AKR1C2: variants seen among roughly 807,000 people sequenced by gnomAD.
AKR1C2 encodes the protein aldo-keto reductase family 1 member C2.
AKR1C2 carries 27 observed loss-of-function variants against 39.8 expected under a neutral mutation model. That is an observed-to-expected ratio of 0.68 (90% confidence interval 0.50 to 0.93). The LOEUF is 0.93. Ranked by LOEUF, AKR1C2 falls within the 40% of genes least tolerant of loss-of-function variation. The probability of loss-of-function intolerance (pLI) is 0.00; values close to 1 mark genes in which losing one functional copy is unlikely to be tolerated. For missense variants in AKR1C2, 263 were observed against 365.1 expected, an observed-to-expected ratio of 0.72 and a Z score of 2.28; for synonymous variants, 114 against 137.9, an observed-to-expected ratio of 0.83 and a Z score of 1.22.
intron 2 of AKR1C2, among the ~76,000 whole-genome samples, chr10:5,000,905 G>T (rs1281461076): frequency 6.6e-6 from 1 of 152,314 alleles, no homozygotes; most frequent in African/African-American, 2.4e-5. Context: ...AAAGGTAAAA[G>T]TTGTTATCAA....
At chr10:5,010,852 C>G (rs1375741588) in intron 1 of AKR1C2, among the ~76,000 whole-genome samples, 1 of 152,046 alleles carries the variant, frequency 6.6e-6, no homozygotes, top group Non-Finnish European at 1.5e-5. Flanking sequence ...GGAAATAAAT[C>G]AAAGTCTTAA....
upstream of AKR1C2, chr10:5,005,990 A>T (rs1476426205): frequency 1.3e-5 from 2 of 152,234 alleles, no homozygotes; most frequent in Non-Finnish European, 2.9e-5. Context: ...TTCAATAGCA[A>T]ATTTGAGCAG....
intron 8 of AKR1C2, among the ~76,000 whole-genome samples, chr10:4,990,634 A>C (rs1409536562): frequency 3.9e-5 from 6 of 152,196 alleles, no homozygotes; most frequent in African/African-American, 4.8e-5. Flanking sequence ...CATAATCCAA[A>C]ATGTAAAGAC....
chr10:5,011,861 A>G (rs576224969), intron 1 of AKR1C2, among the ~76,000 whole-genome samples: 1 of 152,324 alleles, frequency 6.6e-6, no homozygotes, highest in Admixed American at 6.5e-5. Flanking sequence ...CATTAGTATG[A>G]AGTGTGTTAA....
intron 8 of AKR1C2, among the ~76,000 whole-genome samples, chr10:4,990,891 A>G (rs1388445095): frequency 6.6e-6 from 1 of 151,000 alleles, no homozygotes; most frequent in Non-Finnish European, 1.5e-5. Flanking sequence ...TTCATTTTGT[A>G]TTTTCTGCTA....
intron 3 of AKR1C2, 92 bp downstream of exon 3, chr10:5,000,455 GTCC>G: frequency 6.2e-7 from 1 of 1,608,104 alleles, no homozygotes; most frequent in Non-Finnish European, 8.5e-7. Context: ...AAATCCCTAT[GTCC>G]TCCTAAGAAA....
chr10:4,990,491 T>A (rs1418147463), intron 8 of AKR1C2, among the ~76,000 whole-genome samples: 9 of 152,232 alleles, frequency 5.9e-5, no homozygotes, highest in South Asian at 2.1e-4. Context: ...CTTTATTTTA[T>A]TACTTTACAT....
chr10:4,992,632 T>A (rs1394700747), intron 7 of AKR1C2, among the ~76,000 whole-genome samples: 2 of 149,810 alleles, frequency 1.3e-5, no homozygotes, highest in Admixed American at 6.6e-5. Context: ...AAAATGAAAA[T>A]GAAAAGTTAT....
chr10:5,004,348 A>T (rs201497019), upstream of AKR1C2, among the ~76,000 whole-genome samples: 33 of 152,222 alleles, frequency 2.2e-4, no homozygotes, highest in South Asian at 6.2e-4. Flanking sequence ...TAAAATTTTT[A>T]AATGCATGAC....
chr10:4,999,370 A>G, intron 3 of AKR1C2, 93 bp from the exon 4 acceptor site: 1 of 1,606,258 alleles, frequency 6.2e-7, no homozygotes, highest in Non-Finnish European at 8.5e-7. Context: ...CTAATCCTCC[A>G]TGAGGTAGGT....
chr10:4,989,908 A>T lies in AKR1C2; in HGVS notation c.*88T>A. On this transcript the variant is annotated 3_prime_UTR_variant, in exon 9 of 9. Coordinates refer to ENST00000380753, the MANE Select transcript of AKR1C2 (RefSeq NM_001393392.1). ...AGCAGGAGAGATTTAACCAGAGGCG[A>T]TGTGTCCAGTCACCAGCATAGAGCC... 6.8e-7 allele frequency: 1 copy of T among 1,463,076 alleles called. No homozygotes were observed. Among genetic ancestry groups the T allele is most frequent in the Non-Finnish European group, 9.4e-7 (1 of 1,063,600 alleles). The allele number at this position is 1,463,076 out of a possible 1,614,324, so 90.6% of individuals were successfully genotyped here. A position where few individuals can be genotyped will look rare whatever the true frequency, so the allele number is the denominator to read the frequency against.
intron 7 of AKR1C2, among the ~76,000 whole-genome samples, chr10:4,992,359 A>G (rs1301994823): frequency 1.3e-5 from 2 of 152,250 alleles, no homozygotes; most frequent in Non-Finnish European, 2.9e-5. Flanking sequence ...CAAGCCAATA[A>G]TTGTCTAAAT....
chr10:4,991,758 G>C, intron 8 of AKR1C2, 73 bp downstream of exon 8: 1 of 291,836 alleles, frequency 3.4e-6, no homozygotes, highest in South Asian at 2.9e-5. Context: ...CTGGTGTGGA[G>C]GTCACTCTCA....
Position 5,000,358 on chromosome 10 carries a change from T to A in AKR1C2, c.369+192A>T, listed in dbSNP as rs181513846. On this transcript the variant is annotated intron_variant, in intron 3 of 8. Coordinates refer to ENST00000380753, the MANE Select transcript of AKR1C2 (RefSeq NM_001393392.1). ...TCTGCACTCTCTTTTCTTGTAGACA[T>A]GCAATCACGGAAGTATGGATTCAAA... 21 of 1,544,490 alleles carry A rather than the reference T, an allele frequency of 1.4e-5. No individual in the cohort carries two copies. In the Middle Eastern group the frequency reaches 5.6e-4, roughly 41 times the overall value.
At chr10:4,999,514 C>T in intron 3 of AKR1C2, 1 of 742,618 alleles carries the variant, frequency 1.3e-6, no homozygotes, top group Non-Finnish European at 2.0e-6. Context: ...TTTCTGGTTC[C>T]TAATGGAGTG....
upstream of AKR1C2, chr10:5,005,937 G>C (rs1554774352): frequency 1.3e-5 from 2 of 152,072 alleles, no homozygotes; most frequent in African/African-American, 4.8e-5. Flanking sequence ...AAACAAATTG[G>C]AGCTAAAAAA....
intron 7 of AKR1C2, among the ~76,000 whole-genome samples, chr10:4,994,492 C>A (rs1476976358): frequency 1.3e-5 from 2 of 152,128 alleles, no homozygotes; most frequent in Non-Finnish European, 2.9e-5. Flanking sequence ...TAGAATTTCC[C>A]AGAAGCAATG....
chr10:4,995,119 G>C (rs1173925038), intron 7 of AKR1C2, among the ~76,000 whole-genome samples, 200 bp downstream of exon 7: 3 of 107,430 alleles, frequency 2.8e-5, no homozygotes, highest in African/African-American at 7.9e-5. Context: ...CTGTAGTTTT[G>C]ATCCCATCCT....
At chr10:5,012,487 T>C (rs6601877) in intron 1 of AKR1C2, among the ~76,000 whole-genome samples, 36,437 of 149,322 alleles carry the variant, frequency 0.24, 5,695 homozygotes, top group East Asian at 0.77. Context: ...TCAAAGAGGA[T>C]GTGTAAGGAA....
Sources: allele counts gnomAD v4.1 joint callset (sites outside exome capture counted in the v4.1 genomes callset), GRCh38; gene constraint gnomAD v4.1.1; transcripts MANE v1.5; gene names NCBI Gene and HGNC (gene_info 2026-07-23, HGNC 2026-07-21).